The following HDAC4 variants were observed in gnomAD, a reference collection of about 807,000 sequenced individuals.
HDAC4 encodes the protein histone deacetylase A.
HDAC4 carries 16 observed loss-of-function variants against 135.1 expected under a neutral mutation model. That is an observed-to-expected ratio of 0.12 (90% confidence interval 0.08 to 0.18). The LOEUF is 0.18. Ranked by LOEUF, HDAC4 falls within the 10% of genes least tolerant of loss-of-function variation. The probability of loss-of-function intolerance (pLI) is 1.00; values close to 1 mark genes in which losing one functional copy is unlikely to be tolerated. For synonymous variants in HDAC4, 685 were observed against 653.4 expected, an observed-to-expected ratio of 1.05 and a Z score of -0.74; for missense variants, 1,143 against 1,511.8, an observed-to-expected ratio of 0.76 and a Z score of 4.05.
chr2:239,218,101 A>C (rs1020447871), intron 3 of HDAC4, among the ~76,000 whole-genome samples: 4 of 152,230 alleles, frequency 2.6e-5, no homozygotes, highest in African/African-American at 7.2e-5. Context: ...CAAAAAACAA[A>C]AACAGATAAA....
chr2:239,126,759 T>A, intron 11 of HDAC4, 65 bp from the exon 12 acceptor site: 6 of 1,422,180 alleles, frequency 4.2e-6, no homozygotes, highest in Non-Finnish European at 5.9e-6. Context: ...GAGAGAGGGC[T>A]ATTGAGTAAG....
chr2:239,154,628 G>C (rs935497009), intron 7 of HDAC4: 9 of 152,098 alleles, frequency 5.9e-5, no homozygotes, highest in Non-Finnish European at 1.0e-4. Flanking sequence ...CGCGGACTTT[G>C]GTTTTGTTGA....
chr2:239,378,460 C>T (rs746139570), intron 1 of HDAC4, among the ~76,000 whole-genome samples: 3 of 152,204 alleles, frequency 2.0e-5, no homozygotes, highest in Non-Finnish European at 4.4e-5. Context: ...GGCACCCACA[C>T]TGAACGTGCA....
At chr2:239,184,374 A>AGG (rs1488438164) in intron 4 of HDAC4, among the ~76,000 whole-genome samples, 19 of 81,664 alleles carry the variant, frequency 2.3e-4, no homozygotes, top group African/African-American at 9.4e-4. Flanking sequence ...GTGCCCTATG[A>AGG]GGGGGGGTCC....
intron 22 of HDAC4, among the ~76,000 whole-genome samples, chr2:239,074,039 G>A (rs558718139): frequency 1.4e-5 from 2 of 146,128 alleles, no homozygotes; most frequent in Non-Finnish European, 3.0e-5. Flanking sequence ...AGGACTGAGG[G>A]GGGCAGCAGG....
intron 1 of HDAC4, among the ~76,000 whole-genome samples, chr2:239,389,598 C>T (rs1045134051): frequency 9.2e-5 from 14 of 152,232 alleles, no homozygotes; most frequent in African/African-American, 3.1e-4. Flanking sequence ...CCTAGAGGCC[C>T]GCTAAGGGAT....
chr2:239,238,399 G>A (rs1319717221), intron 2 of HDAC4, among the ~76,000 whole-genome samples: 3 of 152,094 alleles, frequency 2.0e-5, no homozygotes, highest in Non-Finnish European at 4.4e-5. Flanking sequence ...CAATGTAGCT[G>A]CAGTTTTCCA....
intron 24 of HDAC4, among the ~76,000 whole-genome samples, chr2:239,057,064 T>A (rs954120567): frequency 1.7e-4 from 26 of 152,236 alleles, no homozygotes; most frequent in African/African-American, 5.8e-4. Flanking sequence ...GCTGGTGACA[T>A]CCAAATACAT....
At chr2:239,321,700 A>G (rs1450993941) in intron 2 of HDAC4, among the ~76,000 whole-genome samples, 1 of 151,996 alleles carries the variant, frequency 6.6e-6, no homozygotes, top group Non-Finnish European at 1.5e-5. Flanking sequence ...TTTTCTTCTA[A>G]GGTCTGACAT....
intron 3 of HDAC4, among the ~76,000 whole-genome samples, chr2:239,223,076 T>C (rs1048967718): frequency 4.6e-5 from 7 of 152,230 alleles, no homozygotes; most frequent in African/African-American, 1.7e-4. Context: ...CTAGGAAGCC[T>C]ACAAATCCCA....
rs2051093840 is a variant in HDAC4 at position 239,285,582 on chromosome 2, T to C, written c.23-48918A>G. On this transcript the variant is annotated intron_variant, in intron 2 of 26. Transcript: ENST00000543185. This position sits in a 1 kb window ranked among gnomAD's most constrained non-coding sequence, Gnocchi z 4.5. ...AGAAAGCTGGCCAAAGGTTGGGCTTTTGAAGTACTAGAAACTTCCTCTTCT... is the reference window on the plus strand; with the variant it reads ...AGAAAGCTGGCCAAAGGTTGGGCTTCTGAAGTACTAGAAACTTCCTCTTCT... Among the ~76,000 whole-genome samples, 1 of 152,186 alleles carries C rather than the reference T, an allele frequency of 6.6e-6. No individual in the cohort carries two copies. Among genetic ancestry groups the C allele is most frequent in the Admixed American group, 6.5e-5 (1 of 15,288 alleles).
chr2:239,186,118 A>G (rs1001285), intron 4 of HDAC4, among the ~76,000 whole-genome samples: 41,330 of 152,038 alleles, frequency 0.27, 6,144 homozygotes, highest in East Asian at 0.47. Flanking sequence ...GAAAAGCACC[A>G]TCCGAGAAGG....
chr2:239,387,128 G>A (rs1160227951), intron 1 of HDAC4, among the ~76,000 whole-genome samples: 4 of 152,250 alleles, frequency 2.6e-5, no homozygotes, highest in Non-Finnish European at 4.4e-5. Flanking sequence ...GCACACGCAC[G>A]TACATGTGTG....
chr2:239,061,095 A>G (rs953847532), intron 24 of HDAC4, among the ~76,000 whole-genome samples: 3 of 152,386 alleles, frequency 2.0e-5, no homozygotes. Context: ...GGCTGCATGC[A>G]GATAAAACAT....
chr2:239,131,199 C>T (rs944857091), intron 11 of HDAC4, among the ~76,000 whole-genome samples: 5 of 152,140 alleles, frequency 3.3e-5, no homozygotes, highest in African/African-American at 7.2e-5. Context: ...AGGTATGTGG[C>T]GTGTAGGAGG....
intron 4 of HDAC4, among the ~76,000 whole-genome samples, chr2:239,180,722 G>A (rs2044095108): frequency 6.6e-6 from 1 of 152,194 alleles, no homozygotes; most frequent in South Asian, 2.1e-4. Context: ...TGCCCCTCAT[G>A]AGTGCCCCAT....
rs2040940824 is a variant in HDAC4, at chr2:239,136,160, T to C, written c.979-1517A>G. Among the ~76,000 whole-genome samples the C allele has an allele frequency of 2.6e-5, 4 of 152,178 alleles. No homozygotes were observed. In the South Asian group the frequency reaches 8.3e-4, roughly 32 times the overall value. The stretch of plus-strand genomic sequence containing the variant: ...ATGTTGTTGTAATCATGCTAGTTAG[T>C]GGGGTTTGGCAGATAGAAATCCCCT... On this transcript the variant is annotated intron_variant, in intron 9 of 26. Transcript: ENST00000543185.
chr2:239,161,084 C>A (rs367868067), intron 6 of HDAC4, among the ~76,000 whole-genome samples: 106 of 152,314 alleles, frequency 7.0e-4, no homozygotes, highest in African/African-American at 1.9e-3. Context: ...CATCCCCATG[C>A]CTTTTTTTGT....
At chr2:239,324,373 G>A (rs2053408784) in intron 2 of HDAC4, among the ~76,000 whole-genome samples, 2 of 152,222 alleles carry the variant, frequency 1.3e-5, no homozygotes, top group South Asian at 4.1e-4. Context: ...AAAGGCTGGT[G>A]AGAGTGAAAA....
Sources: gnomAD v4.1 joint callset for allele counts (sites outside exome capture counted in the v4.1 genomes callset) on GRCh38, gnomAD v4.1.1 for gene constraint, Gnocchi (gnomAD v3.1) non-coding constraint, MANE v1.5 for transcripts, NCBI Gene and HGNC (gene_info 2026-07-23, HGNC 2026-07-21) for gene names.